Variants in CUL4A observed in about 807,000 individuals in gnomAD.
CUL4A encodes cullin-4A.
In CUL4A, 16 loss-of-function variants were observed where a neutral mutation model predicts 95.5. The ratio of observed to expected loss-of-function variants is 0.17; its 90% CI spans 0.11 to 0.25. CUL4A has a LOEUF of 0.25. Among genes scored for constraint, CUL4A ranks in the 10% least tolerant of loss-of-function variants. CUL4A has a pLI of 1.00. For missense variants in CUL4A, 610 were observed against 937.0 expected (o/e 0.65, Z 4.56); for synonymous variants, 380 against 353.1 (o/e 1.08, Z -0.85).
chr13:113,245,718 AAAG>A (rs979502108), intron 14 of CUL4A, among the ~76,000 whole-genome samples: 25 of 152,206 alleles, frequency 1.6e-4, no homozygotes, highest in African/African-American at 4.1e-4. Flanking sequence ...AAAAGAAGAA[AAAG>A]AAGATCTAAA....
chr13:113,261,107 C>T (rs569825938), intron 19 of CUL4A, among the ~76,000 whole-genome samples: 322 of 152,298 alleles, frequency 2.1e-3, no homozygotes, highest in Non-Finnish European at 3.1e-3. Context: ...ATAACAATAA[C>T]TAACTTACTC....
chr13:113,227,749 C>T (rs759510053), intron 3 of CUL4A, among the ~76,000 whole-genome samples: 14 of 151,910 alleles, frequency 9.2e-5, no homozygotes, highest in Non-Finnish European at 1.5e-4. Flanking sequence ...ACTAAAAATA[C>T]AAAAAATTAG....
chr13:113,236,947 G>T, intron 9 of CUL4A, 57 bp downstream of exon 9: 2 of 1,178,588 alleles, frequency 1.7e-6, no homozygotes. Context: ...AGTTCATTAG[G>T]AAAGTAAAGG....
At chr13:113,238,330 G>T (rs2041610493) in intron 9 of CUL4A, among the ~76,000 whole-genome samples, 1 of 151,810 alleles carries the variant, frequency 6.6e-6, no homozygotes, top group African/African-American at 2.4e-5. Context: ...GCATGCCTAG[G>T]GTACCAGCTA....
intron 3 of CUL4A, among the ~76,000 whole-genome samples, chr13:113,221,392 T>G (rs2139123686): frequency 6.6e-6 from 1 of 152,314 alleles, no homozygotes; most frequent in African/African-American, 2.4e-5. Flanking sequence ...TTCCATTGGG[T>G]CGGCACATGT....
At chr13:113,238,361 G>A (rs1343700746) in intron 9 of CUL4A, among the ~76,000 whole-genome samples, 1 of 151,866 alleles carries the variant, frequency 6.6e-6, no homozygotes, top group Non-Finnish European at 1.5e-5. Context: ...TGAGGTGGGA[G>A]GATCACTTTG....
At position 113,223,157 on chromosome 13, in the gene CUL4A, C is replaced by T. The variant is rs565484962; in HGVS notation, c.368+4109C>T. Among the ~76,000 whole-genome samples the T allele has an allele frequency of 5.3e-5, 8 of 152,178 alleles. No individual in the cohort carries two copies. In the South Asian group the frequency reaches 1.5e-3, roughly 28 times the overall value. On this transcript the variant is annotated intron_variant, in intron 3 of 19. Coordinates refer to ENST00000375440, the MANE Select transcript of CUL4A (RefSeq NM_001008895.4). ...TGTTTCTGTCCAACTCAGCACTGTG[C>T]GTTGGGGACCAGGGACAGGCATGAA...
At position 113,265,902 on chromosome 13, in the gene CUL4A, T is replaced by C. The variant is rs992006722; in HGVS notation, c.*2320T>C. 6.6e-6 allele frequency: 1 copy of C among 152,194 alleles called. No individual in the cohort carries two copies. The highest frequency in any genetic ancestry group is 2.4e-5 in the African/African-American group (1 of 41,452). The allele number at this position is 152,194 out of a possible 1,614,324, so 9.4% of individuals were successfully genotyped here. A position where few individuals can be genotyped will look rare whatever the true frequency, so the allele number is the denominator to read the frequency against. On this transcript the variant is annotated 3_prime_UTR_variant, in exon 20 of 20. Transcript: ENST00000375440. ...GTTAGATGGTTGCATACCCAGGTCATCTAAGGAGCAAATGAAAATCTGTGA... is the reference window on the plus strand; with the variant it reads ...GTTAGATGGTTGCATACCCAGGTCACCTAAGGAGCAAATGAAAATCTGTGA...
intron 18 of CUL4A, among the ~76,000 whole-genome samples, chr13:113,260,211 A>AAAAAAAAAAAAAAAAAAACAAAAAAAAC (rs1197388632): frequency 1.7e-5 from 2 of 119,526 alleles, no homozygotes; most frequent in East Asian, 6.7e-4. Flanking sequence ...CTCAAAAAAA[A>AAAAAAAAAAAAAAAAAAACAAAAAAAAC]AAAAAAAACC....
intron 15 of CUL4A, among the ~76,000 whole-genome samples, chr13:113,252,100 A>G (rs1047639891): frequency 6.6e-6 from 1 of 152,170 alleles, no homozygotes; most frequent in Non-Finnish European, 1.5e-5. Flanking sequence ...AGCACCGCGC[A>G]TGGGAGAGTC....
chr13:113,229,392 T>TC, intron 4 of CUL4A, 54 bp from the exon 5 acceptor site: 1 of 1,497,744 alleles, frequency 6.7e-7, no homozygotes, highest in Non-Finnish European at 9.3e-7. Flanking sequence ...GCCTGATCTT[T>TC]CATATTTTGC....
At chr13:113,223,841 G>T (rs1004787275) in intron 3 of CUL4A, among the ~76,000 whole-genome samples, 1 of 152,174 alleles carries the variant, frequency 6.6e-6, no homozygotes, top group African/African-American at 2.4e-5. Flanking sequence ...TACCACATCC[G>T]TTTTCTTGTC....
At chr13:113,233,118 A>AC in intron 5 of CUL4A, 59 bp from the exon 6 acceptor site, 1 of 1,542,402 alleles carries the variant, frequency 6.5e-7, no homozygotes, top group South Asian at 1.2e-5. Flanking sequence ...CTGGAGATTC[A>AC]CCCATAACTT....
rs763783547 is a variant in CUL4A at position 113,239,537 on chromosome 13, A to G, written c.1021A>G (p.Ser341Gly). Residue 341 changes from serine (S) to glycine (G), a missense_variant, in exon 10 of 20, where the codon AGC becomes GGC. Around this residue, in one of 10 missense-constraint regions of CUL4A, gnomAD observed 153 missense variants for 244.5 expected, o/e 0.63. Coordinates refer to ENST00000375440, the MANE Select transcript of CUL4A (RefSeq NM_001008895.4). ...GGQQALLQHW[S>G]EYIKTFGTAI... is the part of the protein sequence containing the mutation. ...GCAGCAGGCGCTGCTGCAGCACTGG[A>G]GCGAGTACATCAAGGTACTGGCGGG... The G allele has an allele frequency of 6.2e-7, 1 of 1,612,852 alleles. No individual in the cohort carries two copies. Among genetic ancestry groups the G allele is most frequent in the Admixed American group, 1.7e-5 (1 of 59,788 alleles).
upstream of CUL4A, among the ~76,000 whole-genome samples, chr13:113,209,328 C>T (rs2040234110): frequency 6.8e-6 from 1 of 147,220 alleles, no homozygotes; most frequent in Admixed American, 6.6e-5. Flanking sequence ...GGTGCGCCCC[C>T]CGGAGCCGGG....
Position 113,255,095 on chromosome 13 carries a change from A to G in CUL4A, c.2001A>G (p.Ile667Met). 1 of 1,613,142 alleles carries G rather than the reference A, an allele frequency of 6.2e-7. No homozygotes were observed. Among genetic ancestry groups the G allele is most frequent in the Non-Finnish European group, 8.5e-7 (1 of 1,179,340 alleles). The change falls in exon 18 of 20, where the codon ATA becomes ATG. Residue 667 changes from isoleucine (I) to methionine (M), a missense_variant. Ile to Met is a conservative substitution (Grantham distance 10). Around this residue, in one of 10 missense-constraint regions of CUL4A, gnomAD observed 28 missense variants for 86.4 expected, o/e 0.32. Transcript: ENST00000375440. The stretch of plus-strand genomic sequence containing the variant: ...AGTTCAAGCACAAGTTGTTTAGAAT[A>G]AAGATCAATCAAATTCAGATGAAGG... Reference protein sequence around the residue: ...NGEFKHKLFRIKINQIQMKET... With the variant: ...NGEFKHKLFRMKINQIQMKET...
chr13:113,210,166 C>A lies in CUL4A; in HGVS notation c.264+78C>A, dbSNP rs540501854. 292 of 978,586 alleles carry A rather than the reference C, an allele frequency of 3.0e-4. 3 individuals are homozygous for A. The South Asian group carries it at 4.7e-3, about 16-fold the overall frequency. 60.6% of individuals were successfully genotyped at this position (978,586 alleles called of 1,614,324 possible). A position where few individuals can be genotyped will look rare whatever the true frequency, so the allele number is the denominator to read the frequency against. On this transcript the variant is annotated intron_variant, in intron 2 of 19. Coordinates refer to ENST00000375440, the MANE Select transcript of CUL4A (RefSeq NM_001008895.4). Reference sequence around the variant, plus strand: ...CGCGGCCGGGCGGCCGCTCCGGGTGCCTCGCAGGCTCTCGCCGGGGAGCGG... The same window carrying A: ...CGCGGCCGGGCGGCCGCTCCGGGTGACTCGCAGGCTCTCGCCGGGGAGCGG...
intron 8 of CUL4A, 78 bp from the exon 9 acceptor site, chr13:113,236,745 A>G: frequency 2.1e-6 from 2 of 933,556 alleles, no homozygotes; most frequent in Admixed American, 2.1e-5. Context: ...GTCATAGACA[A>G]ATGCCCCCAT....
At chr13:113,209,600 G>C, upstream of CUL4A, 6 of 1,008,358 alleles carry the variant, frequency 6.0e-6, no homozygotes, top group Non-Finnish European at 7.1e-6. Context: ...CGGCGCTCGG[G>C]GCGGGGCGCG....
Sources: allele counts gnomAD v4.1 joint callset (sites outside exome capture counted in the v4.1 genomes callset), GRCh38; gene constraint gnomAD v4.1.1; regional missense constraint gnomAD v4.1.1; transcripts MANE v1.5; gene names NCBI Gene and HGNC (gene_info 2026-07-23, HGNC 2026-07-21).